RHBDL2: variants seen among roughly 807,000 people sequenced by gnomAD.
RHBDL2 encodes rhomboid-related protein 2.
A neutral mutation model predicts 31.7 loss-of-function variants in RHBDL2; 26 were observed. The observed-to-expected ratio is 0.82, with a 90% CI of 0.60 to 1.14. The LOEUF (loss-of-function observed/expected upper bound fraction) is 1.14, where lower values mean the gene tolerates loss of function less well. RHBDL2 is among the 50% of genes most tolerant of loss of function. The pLI, the probability that RHBDL2 is intolerant of heterozygous loss-of-function variation, is 0.00. For missense variants in RHBDL2, 336 were observed against 364.4 expected (o/e 0.92, Z 0.63); for synonymous variants, 123 against 127.2 (o/e 0.97, Z 0.22).
At chr1:38,924,330 C>T (rs917078217) in intron 1 of RHBDL2, among the ~76,000 whole-genome samples, 6 of 152,134 alleles carry the variant, frequency 3.9e-5, no homozygotes, top group East Asian at 1.9e-4. Context: ...CACAGTGGCT[C>T]ACGCCTGTAA....
In RHBDL2 at chr1:38,929,764, C is replaced by T. The variant is rs185573643; in HGVS notation, c.-125-10427G>A. ...AGGATTGGACTTCTGGGCCACAGAG[C>T]TTAGCAGCCTCCTTCATCACACTGC... On this transcript the variant is annotated intron_variant, in intron 1 of 7. Coordinates refer to ENST00000372990, the MANE Select transcript of RHBDL2 (RefSeq NM_017821.5). Among the ~76,000 whole-genome samples the T allele has an allele frequency of 4.4e-4, 67 of 152,274 alleles. 1 individual carries two copies. In the Middle Eastern group the frequency reaches 0.027, roughly 62 times the overall value.
Position 38,886,436 on chromosome 1 carries a change from G to T in RHBDL2, c.*68C>A. 8.2e-7 allele frequency: 1 copy of T among 1,217,392 alleles called. No individual in the cohort carries two copies. Among genetic ancestry groups the T allele is most frequent in the South Asian group, 1.9e-5 (1 of 51,978 alleles). The allele number at this position is 1,217,392 out of a possible 1,614,324, so 75.4% of individuals were successfully genotyped here. On this transcript the variant is annotated 3_prime_UTR_variant, in exon 8 of 8. Coordinates refer to ENST00000372990, the MANE Select transcript of RHBDL2 (RefSeq NM_017821.5). ...TCTGAGACTTCTCTGTTTCTTCATA[G>T]AGTCTTCCTTTTTTTTTTATTTCCT... is the stretch of plus-strand genomic sequence containing the variant.
intron 1 of RHBDL2, among the ~76,000 whole-genome samples, chr1:38,931,697 GA>G (rs1320808420): frequency 1.1e-3 from 158 of 141,416 alleles, no homozygotes; most frequent in Middle Eastern, 3.6e-3. Context: ...AAACACATGG[GA>G]AAAAAAAAAA....
chr1:38,905,010 A>G (rs9438988), intron 4 of RHBDL2, among the ~76,000 whole-genome samples: 83,248 of 149,746 alleles, frequency 0.56, 24,583 homozygotes, highest in Non-Finnish European at 0.67. Flanking sequence ...CAGCCTGGGC[A>G]ACAGAGCGAG....
chr1:38,891,260 C>CAAAAAAA (rs11445131), intron 6 of RHBDL2, among the ~76,000 whole-genome samples: 4 of 79,238 alleles, frequency 5.0e-5, no homozygotes, highest in Non-Finnish European at 6.9e-5. Flanking sequence ...GACTCCGTCT[C>CAAAAAAA]AAAAAAAAAA....
chr1:38,917,494 A>T (rs942841), intron 2 of RHBDL2, among the ~76,000 whole-genome samples: 131,508 of 152,202 alleles, frequency 0.86, 57,964 homozygotes, highest in Non-Finnish European at 0.97. Flanking sequence ...TAGGCAATTG[A>T]GGTTTGTACC....
intron 1 of RHBDL2, among the ~76,000 whole-genome samples, chr1:38,925,164 T>C (rs1167359715): frequency 6.6e-6 from 1 of 152,104 alleles, no homozygotes; most frequent in African/African-American, 2.4e-5. Flanking sequence ...GATGCCCTAA[T>C]GCACTACATA....
intron 3 of RHBDL2, among the ~76,000 whole-genome samples, chr1:38,912,910 A>ATATATATATGTGTG (rs1399583863): frequency 2.2e-4 from 9 of 41,368 alleles, no homozygotes; most frequent in African/African-American, 8.3e-4. Context: ...ATATATATAT[A>ATATATATATGTGTG]TGTGTGTGTG....
At chr1:38,889,564 A>G (rs1181631047) in intron 6 of RHBDL2, among the ~76,000 whole-genome samples, 3 of 152,204 alleles carry the variant, frequency 2.0e-5, no homozygotes, top group Admixed American at 6.5e-5. Context: ...CTCCACTCTC[A>G]GCCACCACAC....
chr1:38,939,046 G>C (rs1643537087), intron 1 of RHBDL2, among the ~76,000 whole-genome samples: 1 of 152,210 alleles, frequency 6.6e-6, no homozygotes. Context: ...TCATGCTTAT[G>C]ATCCCTGCCC....
intron 4 of RHBDL2, among the ~76,000 whole-genome samples, chr1:38,897,353 G>T (rs955894685): frequency 2.0e-5 from 3 of 152,058 alleles, no homozygotes; most frequent in African/African-American, 7.2e-5. Flanking sequence ...GCCCACCTCG[G>T]CCTCCCAAAG....
chr1:38,904,653 C>A (rs1235375021), intron 4 of RHBDL2, among the ~76,000 whole-genome samples: 3 of 150,240 alleles, frequency 2.0e-5, no homozygotes. Context: ...TATGGCAAAA[C>A]ACTGTCTCTA....
At chr1:38,935,378 A>G (rs1643488152) in intron 1 of RHBDL2, among the ~76,000 whole-genome samples, 1 of 152,258 alleles carries the variant, frequency 6.6e-6, no homozygotes, top group Non-Finnish European at 1.5e-5. Context: ...CATAATGGCT[A>G]AAACACAAAT....
intron 4 of RHBDL2, among the ~76,000 whole-genome samples, chr1:38,906,628 C>T (rs1028569680): frequency 1.3e-5 from 2 of 151,162 alleles, no homozygotes; most frequent in African/African-American, 4.9e-5. Flanking sequence ...GAGCGGAGAT[C>T]GCACCACTGC....
rs754903988 is a variant in RHBDL2, at chr1:38,888,037, A to G, written c.671-13T>C. The G allele has an allele frequency of 2.9e-5, 47 of 1,602,130 alleles. No individual in the cohort carries two copies. The highest frequency in any genetic ancestry group is 6.6e-5 in the South Asian group (6 of 90,344). On this transcript the variant is annotated splice_polypyrimidine_tract_variant and intron_variant, in intron 6 of 7. Coordinates refer to ENST00000372990, the MANE Select transcript of RHBDL2 (RefSeq NM_017821.5). ...ATGTCCAACACAACTAGAAGGAAAA[A>G]CACCCTGATAAAGGCTCAGAATCTC...
intron 1 of RHBDL2, among the ~76,000 whole-genome samples, chr1:38,923,816 CCT>C (rs1477465050): frequency 1.3e-5 from 2 of 152,204 alleles, no homozygotes; most frequent in African/African-American, 4.8e-5. Flanking sequence ...AAACCTCCTA[CCT>C]CTTATCTGCA....
intron 1 of RHBDL2, among the ~76,000 whole-genome samples, chr1:38,932,152 C>A (rs1037441404): frequency 1.3e-5 from 2 of 151,532 alleles, no homozygotes; most frequent in African/African-American, 4.9e-5. Flanking sequence ...AAGGTGCCCA[C>A]ATGGAAAGAG....
At chr1:38,925,678 C>T (rs144303593) in intron 1 of RHBDL2, among the ~76,000 whole-genome samples, 4,120 of 152,246 alleles carry the variant, frequency 0.027, 88 homozygotes, top group Non-Finnish European at 0.041. Context: ...TTATCCAAAA[C>T]TTCTATTTGT....
At chr1:38,915,941 C>A (rs1424895455) in intron 2 of RHBDL2, among the ~76,000 whole-genome samples, 1 of 152,238 alleles carries the variant, frequency 6.6e-6, no homozygotes, top group African/African-American at 2.4e-5. Context: ...GTAAGGAAGA[C>A]TTTCTGAACC....
Sources: gnomAD v4.1 joint callset for allele counts (sites outside exome capture counted in the v4.1 genomes callset) on GRCh38, gnomAD v4.1.1 for gene constraint, MANE v1.5 for transcripts, NCBI Gene and HGNC (gene_info 2026-07-23, HGNC 2026-07-21) for gene names.